GRIK1: variants seen among roughly 807,000 people sequenced by gnomAD.
The protein encoded by GRIK1 is glutamate ionotropic receptor kainate type subunit 1.
GRIK1 carries 69 observed loss-of-function variants against 105.7 expected under a neutral mutation model. The ratio of observed to expected loss-of-function variants is 0.65; its 90% CI spans 0.54 to 0.80. The LOEUF is 0.80. Among genes scored for constraint, GRIK1 ranks in the 30% least tolerant of loss-of-function variants. The pLI is 0.00. For missense variants in GRIK1, 1,109 were observed against 1,167.3 expected, an observed-to-expected ratio of 0.95 and a Z score of 0.73; for synonymous variants, 438 against 431.3, an observed-to-expected ratio of 1.02 and a Z score of -0.19.
At chr21:29,781,398 TATC>T (rs985976172) in intron 1 of GRIK1, among the ~76,000 whole-genome samples, 3 of 152,162 alleles carry the variant, frequency 2.0e-5, no homozygotes, top group African/African-American at 7.2e-5. Flanking sequence ...CATGGCCTAC[TATC>T]ATCATTAGCC....
At chr21:29,799,665 GACT>G (rs2066650706) in intron 1 of GRIK1, among the ~76,000 whole-genome samples, 1 of 152,134 alleles carries the variant, frequency 6.6e-6, no homozygotes, top group Non-Finnish European at 1.5e-5. Context: ...AGGTAGCTGG[GACT>G]ACAGGCATGC....
chr21:29,797,102 T>C (rs2066579841), intron 1 of GRIK1, among the ~76,000 whole-genome samples: 1 of 152,116 alleles, frequency 6.6e-6, no homozygotes, highest in Non-Finnish European at 1.5e-5. Context: ...GTAGCGGCTA[T>C]CAAGCTGCCA....
At chr21:29,841,590 CA>C (rs945991624) in intron 1 of GRIK1, among the ~76,000 whole-genome samples, 1 of 152,036 alleles carries the variant, frequency 6.6e-6, no homozygotes, top group Non-Finnish European at 1.5e-5. Context: ...CACATATAGT[CA>C]ACATCACAAA....
At position 29,651,113 on chromosome 21, in the gene GRIK1, C is replaced by T. The variant is rs2062726303; in HGVS notation, c.954+5G>A. ...TGCAAATGATTTTATTTGAAAATGA[C>T]TTACTGTCATCATGCCATCCAAAAG... On this transcript the variant is annotated splice_donor_5th_base_variant and intron_variant, in intron 6 of 17. Coordinates refer to ENST00000327783, the MANE Select transcript of GRIK1 (RefSeq NM_001330994.2). The T allele has an allele frequency of 1.9e-6, 3 of 1,596,328 alleles. No homozygotes were observed. The highest frequency in any genetic ancestry group is 2.7e-5 in the African/African-American group (2 of 74,000).
chr21:29,588,748 A>C (rs2061285279), intron 11 of GRIK1, 91 bp downstream of exon 11: 2 of 800,288 alleles, frequency 2.5e-6, no homozygotes, highest in Non-Finnish European at 4.1e-6. Context: ...TTACGATTCA[A>C]AAAAAGGAAA....
At chr21:29,655,693 G>C (rs2062835082) in intron 4 of GRIK1, among the ~76,000 whole-genome samples, 1 of 152,122 alleles carries the variant, frequency 6.6e-6, no homozygotes, top group Admixed American at 6.5e-5. Flanking sequence ...CCATGAGAAG[G>C]GGAAGAGAGG....
intron 1 of GRIK1, among the ~76,000 whole-genome samples, chr21:29,856,343 G>A (rs990660802): frequency 6.6e-6 from 1 of 152,180 alleles, no homozygotes; most frequent in African/African-American, 2.4e-5. Context: ...GAATGAAGTA[G>A]CCAATTATGT....
At chr21:29,755,938 C>A (rs116643571) in intron 1 of GRIK1, among the ~76,000 whole-genome samples, 2 of 152,126 alleles carry the variant, frequency 1.3e-5, no homozygotes, top group African/African-American at 2.4e-5. Flanking sequence ...AAATGCAAAG[C>A]ATATTTTTAC....
rs75851651 is a variant in GRIK1, at chr21:29,821,793, G to A, written c.118+117590C>T. ...AATTTTAACTTTTTATAATAGATTT[G>A]TATATAGTTTATGGTTGTAAGTGAT... On this transcript the variant is annotated intron_variant, in intron 1 of 17. Coordinates refer to ENST00000327783, the MANE Select transcript of GRIK1 (RefSeq NM_001330994.2). Among the ~76,000 whole-genome samples, 937 of 152,036 alleles carry A rather than the reference G, an allele frequency of 6.2e-3. 5 individuals carry two copies. Among genetic ancestry groups the A allele is most frequent in the African/African-American group, 0.022 (899 of 41,494 alleles).
chr21:29,816,755 A>G (rs2067165305), intron 1 of GRIK1, among the ~76,000 whole-genome samples: 1 of 152,124 alleles, frequency 6.6e-6, no homozygotes, highest in Admixed American at 6.6e-5. Context: ...TCCCATAGAC[A>G]AAGAGAGTAG....
chr21:29,625,713 C>A (rs2062110131), intron 7 of GRIK1, among the ~76,000 whole-genome samples: 1 of 152,202 alleles, frequency 6.6e-6, no homozygotes. Flanking sequence ...TTGAACTCTG[C>A]TTCCTCAAAG....
At chr21:29,894,251 C>T (rs561465398) in intron 1 of GRIK1, among the ~76,000 whole-genome samples, 53 of 152,164 alleles carry the variant, frequency 3.5e-4, no homozygotes, top group African/African-American at 9.2e-4. Flanking sequence ...AGTTGAGGAA[C>T]GAGGAAGCCA....
chr21:29,704,286 G>GT (rs1297726883), intron 1 of GRIK1, among the ~76,000 whole-genome samples: 1 of 152,156 alleles, frequency 6.6e-6, no homozygotes, highest in Non-Finnish European at 1.5e-5. Context: ...GAAAAAGAAA[G>GT]TAGGTATAGT....
chr21:29,831,079 TA>T (rs929393824), intron 1 of GRIK1, among the ~76,000 whole-genome samples: 11 of 152,314 alleles, frequency 7.2e-5, no homozygotes, highest in African/African-American at 2.6e-4. Context: ...AGCATTCTAT[TA>T]CTACCATTTA....
intron 7 of GRIK1, among the ~76,000 whole-genome samples, chr21:29,622,844 T>C (rs906356421): frequency 6.6e-6 from 1 of 152,228 alleles, no homozygotes; most frequent in African/African-American, 2.4e-5. Flanking sequence ...ACCTCTACTA[T>C]ATCTTATGAT....
At chr21:29,935,002 C>A (rs2071699811) in intron 1 of GRIK1, among the ~76,000 whole-genome samples, 1 of 152,132 alleles carries the variant, frequency 6.6e-6, no homozygotes, top group African/African-American at 2.4e-5. Context: ...TTTTCAAGTT[C>A]ATGTTAGGAC....
intron 1 of GRIK1, among the ~76,000 whole-genome samples, chr21:29,927,092 C>A (rs2071394197): frequency 6.6e-6 from 1 of 152,106 alleles, no homozygotes; most frequent in African/African-American, 2.4e-5. Flanking sequence ...TCTGTGTGGG[C>A]CTGATGCCTC....
At chr21:29,798,760 A>C (rs1469917177) in intron 1 of GRIK1, among the ~76,000 whole-genome samples, 6 of 152,222 alleles carry the variant, frequency 3.9e-5, no homozygotes. Context: ...TGCTCAAAGC[A>C]GTATTAACGT....
chr21:29,647,712 C>T (rs142201469), intron 6 of GRIK1, among the ~76,000 whole-genome samples: 4 of 152,026 alleles, frequency 2.6e-5, no homozygotes, highest in Non-Finnish European at 4.4e-5. Flanking sequence ...GCTGAAAGGT[C>T]GAATCAGCCC....
Sources: allele counts gnomAD v4.1 joint callset (sites outside exome capture counted in the v4.1 genomes callset), GRCh38; gene constraint gnomAD v4.1.1; transcripts MANE v1.5; gene names NCBI Gene and HGNC (gene_info 2026-07-23, HGNC 2026-07-21).